MEIOC: variants seen among roughly 807,000 people sequenced by gnomAD.
The protein encoded by MEIOC is meiosis-specific coiled-coil domain-containing protein MEIOC.
MEIOC carries 9 observed loss-of-function variants against 85.3 expected under a neutral mutation model. That is an observed-to-expected ratio of 0.11 (90% CI 0.06 to 0.18). The LOEUF is 0.18. Ranked by LOEUF, MEIOC falls within the 10% of genes least tolerant of loss-of-function variation. The probability of loss-of-function intolerance (pLI) is 1.00; values close to 1 mark genes in which losing one functional copy is unlikely to be tolerated. For synonymous variants in MEIOC, 365 were observed against 393.7 expected (o/e 0.93, Z 0.86); for missense variants, 898 against 1,129.4 (o/e 0.80, Z 2.94).
At chr17:44,662,131 T>C (rs1284956647) in intron 2 of MEIOC, among the ~76,000 whole-genome samples, 186 bp from the exon 3 acceptor site, 3 of 152,224 alleles carry the variant, frequency 2.0e-5, no homozygotes, top group African/African-American at 4.8e-5. Context: ...AAATATTTAC[T>C]ATTTGGCCTT....
chr17:44,669,180 G>A (rs1328832574), intron 5 of MEIOC, among the ~76,000 whole-genome samples: 2 of 151,988 alleles, frequency 1.3e-5, no homozygotes, highest in African/African-American at 4.8e-5. Context: ...TCCAGCCTGG[G>A]CAATAGAGTG....
Position 44,667,596 on chromosome 17 carries a change from T to C in MEIOC, c.1685T>C (p.Ile562Thr), listed in dbSNP as rs779942276. The change falls in exon 5 of 8, where the codon ATA (isoleucine) becomes ACA (threonine). Residue 562 changes from isoleucine (I) to threonine (T), a missense_variant. Ile to Thr is a moderately conservative substitution (Grantham distance 89, BLOSUM62 -1). This residue lies in a region of MEIOC where 734 missense variants were observed against 860.1 expected (regional missense o/e 0.85). Transcript: ENST00000409122. ...GAERIQSVNH[I>T]EGLTKPGEEN... ...GAAAGAATCCAATCTGTCAATCACATAGAAGGACTAACAAAGCCTGGAGAA... is the reference window on the plus strand; with the variant it reads ...GAAAGAATCCAATCTGTCAATCACACAGAAGGACTAACAAAGCCTGGAGAA... 4.3e-6 allele frequency: 7 copies of C among 1,613,722 alleles called. No individual in the cohort carries two copies. The highest frequency in any genetic ancestry group is 3.3e-5 in the Admixed American group (2 of 59,970).
chr17:44,673,571 G>A (rs573960013), intron 7 of MEIOC, 25 bp downstream of exon 7: 220 of 1,496,244 alleles, frequency 1.5e-4, no homozygotes, highest in Non-Finnish European at 1.9e-4. Context: ...GCATATTCTT[G>A]TGATAAGTCA....
chr17:44,664,105 T>C (rs1407711596), intron 3 of MEIOC, among the ~76,000 whole-genome samples: 2 of 152,114 alleles, frequency 1.3e-5, no homozygotes, highest in African/African-American at 4.8e-5. Context: ...GATTGGTGGC[T>C]CACGCCTGTA....
Position 44,667,301 on chromosome 17 carries a change from T to A in MEIOC, c.1390T>A (p.Ser464Thr), listed in dbSNP as rs1032649326. The change falls in exon 5 of 8, where the codon TCA becomes ACA. Residue 464 changes from serine to threonine, a missense_variant. This residue lies in a region of MEIOC where 734 missense variants were observed against 860.1 expected (regional missense o/e 0.85). Coordinates refer to ENST00000409122, the MANE Select transcript of MEIOC (RefSeq NM_001145080.3). ...YFKSVNLLSNSATSSGGINLN... is the reference protein window; with the variant it reads ...YFKSVNLLSNTATSSGGINLN... ...TAAATCAGTGAATTTATTATCAAACTCAGCAACATCTTCAGGAGGTATCAA... is the reference window on the plus strand; with the variant it reads ...TAAATCAGTGAATTTATTATCAAACACAGCAACATCTTCAGGAGGTATCAA... 1 of 1,613,628 alleles carries A rather than the reference T, an allele frequency of 6.2e-7. No individual in the cohort carries two copies. Among genetic ancestry groups the A allele is most frequent in the Admixed American group, 1.7e-5 (1 of 60,002 alleles).
In MEIOC at chr17:44,667,836, G is replaced by T. The variant is rs772571403; in HGVS notation, c.1925G>T (p.Gly642Val). Reference sequence around the variant, plus strand: ...TACCAAGATCTACTGGAGTCACAGGGTCATTCTAATAGCCACAGAACGAGA... The same window carrying T: ...TACCAAGATCTACTGGAGTCACAGGTTCATTCTAATAGCCACAGAACGAGA... ...NTYQDLLESQGHSNSHRTRGG... is the reference protein window; with the variant it reads ...NTYQDLLESQVHSNSHRTRGG... The change falls in exon 5 of 8, where the codon GGT (glycine) becomes GTT (valine). Residue 642 changes from glycine to valine, a missense_variant. Coordinates refer to ENST00000409122, the MANE Select transcript of MEIOC (RefSeq NM_001145080.3). 7 of 1,613,824 alleles carry T rather than the reference G, an allele frequency of 4.3e-6. No individual in the cohort carries two copies. The highest frequency in any genetic ancestry group is 1.7e-6 in the Non-Finnish European group (2 of 1,179,874).
chr17:44,658,294 A>C (rs1971793552), intron 2 of MEIOC, among the ~76,000 whole-genome samples: 2 of 151,068 alleles, frequency 1.3e-5, no homozygotes, highest in Admixed American at 6.6e-5. Context: ...AGCTGGGACT[A>C]CAGGCACCCG....
rs922615601 is a variant in MEIOC at position 44,662,366 on chromosome 17, C to T, written c.254C>T (p.Thr85Ile). 1.3e-6 allele frequency: 2 copies of T among 1,549,908 alleles called. No individual in the cohort carries two copies. The highest frequency in any genetic ancestry group is 1.7e-6 in the Non-Finnish European group (2 of 1,145,768). Residue 85 changes from threonine (T) to isoleucine (I), a missense_variant, in exon 3 of 8, where the codon ACA (threonine) becomes ATA (isoleucine). Coordinates refer to ENST00000409122, the MANE Select transcript of MEIOC (RefSeq NM_001145080.3). ...CAGACCTATACTCCATTTTCTTCAA[C>T]AGAATATTCAAGTTCTGTAGATTCT... is the stretch of plus-strand genomic sequence containing the variant. ...LRQTYTPFSS[T>I]EYSSSVDSSL...
chr17:44,674,351 T>A lies in MEIOC; in HGVS notation c.*155T>A. ...GAAGTCTAACTTCTATTTAAAAATC[T>A]TCTATTTGAAGTGAATCCGATATAG... On this transcript the variant is annotated 3_prime_UTR_variant, in exon 8 of 8. Transcript: ENST00000409122. 2 of 1,411,182 alleles carry A rather than the reference T, an allele frequency of 1.4e-6. No homozygotes were observed. The highest frequency in any genetic ancestry group is 1.6e-5 in the South Asian group (1 of 61,436). 87.4% of individuals were successfully genotyped at this position (1,411,182 alleles called of 1,614,324 possible). A position where few individuals can be genotyped will look rare whatever the true frequency, so the allele number is the denominator to read the frequency against.
chr17:44,671,360 T>C (rs1972007019), intron 6 of MEIOC: 1 of 152,134 alleles, frequency 6.6e-6, no homozygotes, highest in South Asian at 2.1e-4. Context: ...TAGAAGGATA[T>C]GTTTATGCCT....
intron 2 of MEIOC, among the ~76,000 whole-genome samples, chr17:44,660,495 CA>C (rs1469084638): frequency 2.6e-5 from 4 of 152,046 alleles, no homozygotes; most frequent in Non-Finnish European, 4.4e-5. Flanking sequence ...CTAGGCCTCC[CA>C]AAAGTGCTGG....
intron 2 of MEIOC, 97 bp from the exon 3 acceptor site, chr17:44,662,220 C>A: frequency 1.0e-6 from 1 of 953,642 alleles, no homozygotes; most frequent in Non-Finnish European, 1.6e-6. Flanking sequence ...ATTCTCCCAA[C>A]TCTTACATCT....
chr17:44,676,530 T>G (rs1972076964), downstream of MEIOC, among the ~76,000 whole-genome samples: 1 of 152,156 alleles, frequency 6.6e-6, no homozygotes, highest in Non-Finnish European at 1.5e-5. Flanking sequence ...GTTTAAAATT[T>G]GCCCTTTGCA....
chr17:44,658,811 AAAAAG>A (rs1459993510), intron 2 of MEIOC, among the ~76,000 whole-genome samples: 6 of 151,846 alleles, frequency 4.0e-5, no homozygotes, highest in Non-Finnish European at 8.8e-5. Flanking sequence ...AAAAAAAAGA[AAAAAG>A]AAAACAAATT....
rs1436146266 is a variant in MEIOC at position 44,675,638 on chromosome 17, C to A, written c.*1442C>A. 3.0e-6 allele frequency: 3 copies of A among 984,858 alleles called. No individual in the cohort carries two copies. Among genetic ancestry groups the A allele is most frequent in the South Asian group, 9.4e-5 (2 of 21,276 alleles). 61.0% of individuals were successfully genotyped at this position (984,858 alleles called of 1,614,324 possible). A position where few individuals can be genotyped will look rare whatever the true frequency, so the allele number is the denominator to read the frequency against. On this transcript the variant is annotated 3_prime_UTR_variant, in exon 8 of 8. Transcript: ENST00000409122. ...TGATCACTGATATGCCTTAGAACTACCCAAATGAATTACATTGAGGGTAGT... is the reference window on the plus strand; with the variant it reads ...TGATCACTGATATGCCTTAGAACTAACCAAATGAATTACATTGAGGGTAGT...
At chr17:44,664,664 G>A (rs1392851936) in intron 3 of MEIOC, among the ~76,000 whole-genome samples, 1 of 152,156 alleles carries the variant, frequency 6.6e-6, no homozygotes, top group African/African-American at 2.4e-5. Flanking sequence ...TACTCAACCT[G>A]TATTACTTCA....
chr17:44,663,654 G>A (rs1332254851), intron 3 of MEIOC, among the ~76,000 whole-genome samples: 1 of 152,106 alleles, frequency 6.6e-6, no homozygotes, highest in East Asian at 1.9e-4. Context: ...AAAAGTGAAA[G>A]TCTGTCTTAA....
At chr17:44,668,259 A>G (rs1322048466) in intron 5 of MEIOC, 26 bp downstream of exon 5, 2 of 1,557,370 alleles carry the variant, frequency 1.3e-6, no homozygotes, top group East Asian at 2.2e-5. Flanking sequence ...CCACTTAGGA[A>G]TAACAGTATG....
At chr17:44,665,704 A>T (rs1971894052) in intron 4 of MEIOC, among the ~76,000 whole-genome samples, 1 of 152,140 alleles carries the variant, frequency 6.6e-6, no homozygotes, top group South Asian at 2.1e-4. Context: ...TCATTGAAAA[A>T]TTATTCTTGC....
Sources: gnomAD v4.1 joint callset for allele counts (sites outside exome capture counted in the v4.1 genomes callset) on GRCh38, gnomAD v4.1.1 for gene constraint, gnomAD v4.1.1 regional missense constraint, MANE v1.5 for transcripts, NCBI Gene and HGNC (gene_info 2026-07-23, HGNC 2026-07-21) for gene names.